The following LCLAT1 variants were observed in gnomAD, a reference collection of about 807,000 sequenced individuals.
The protein encoded by LCLAT1 is lysocardiolipin acyltransferase 1, also known as 1-AGP acyltransferase 8.
LCLAT1 carries 11 observed loss-of-function variants against 30.7 expected under a neutral mutation model. The observed-to-expected ratio is 0.36, with a 90% CI of 0.23 to 0.59. The LOEUF (loss-of-function observed/expected upper bound fraction) is 0.59, where lower values mean the gene tolerates loss of function less well. Among genes scored for constraint, LCLAT1 ranks in the 20% least tolerant of loss-of-function variants. The probability of loss-of-function intolerance (pLI) is 0.77; values close to 1 mark genes in which losing one functional copy is unlikely to be tolerated. For synonymous variants in LCLAT1, 155 were observed against 151.3 expected, an observed-to-expected ratio of 1.02 and a Z score of -0.18; for missense variants, 402 against 458.6, an observed-to-expected ratio of 0.88 and a Z score of 1.13.
At chr2:30,493,473 C>T (rs1329004968) in intron 1 of LCLAT1, among the ~76,000 whole-genome samples, 1 of 152,234 alleles carries the variant, frequency 6.6e-6, no homozygotes, top group East Asian at 1.9e-4. Context: ...CAAATGAAGT[C>T]CGGGAGGAAT....
chr2:30,600,052 G>C (rs189240233), intron 5 of LCLAT1, among the ~76,000 whole-genome samples: 1 of 152,248 alleles, frequency 6.6e-6, no homozygotes, highest in African/African-American at 2.4e-5. Flanking sequence ...GGTTGGTAAC[G>C]GTTCTTCCCT....
intron 1 of LCLAT1, among the ~76,000 whole-genome samples, chr2:30,472,657 T>C (rs1205014833): frequency 1.3e-5 from 2 of 152,224 alleles, no homozygotes; most frequent in Non-Finnish European, 2.9e-5. Context: ...ATAGGTTTTA[T>C]GCAAAATGTT....
chr2:30,453,035 G>A (rs1160147976), intron 1 of LCLAT1, among the ~76,000 whole-genome samples: 1 of 152,120 alleles, frequency 6.6e-6, no homozygotes. Context: ...TTGTTCACTT[G>A]CTCAGAGAAA....
At chr2:30,479,428 G>A (rs1312263785) in intron 1 of LCLAT1, among the ~76,000 whole-genome samples, 3 of 151,970 alleles carry the variant, frequency 2.0e-5, no homozygotes, top group African/African-American at 7.2e-5. Flanking sequence ...TCCCATTTTT[G>A]TAGAGGTGGG....
intron 1 of LCLAT1, among the ~76,000 whole-genome samples, chr2:30,493,583 A>G (rs1203308350): frequency 6.6e-6 from 1 of 152,154 alleles, no homozygotes; most frequent in Non-Finnish European, 1.5e-5. Context: ...GTAAATGTTA[A>G]TATGTGTGTA....
At chr2:30,574,685 A>G (rs1398344013) in intron 5 of LCLAT1, among the ~76,000 whole-genome samples, 1 of 148,634 alleles carries the variant, frequency 6.7e-6, no homozygotes, top group African/African-American at 2.4e-5. Flanking sequence ...TCTCCATAAA[A>G]AGTGTCACTC....
intron 1 of LCLAT1, chr2:30,459,816 G>A (rs1463846052): frequency 7.2e-6 from 6 of 827,846 alleles, no homozygotes; most frequent in Admixed American, 4.1e-5. Context: ...GTTTGTTCCT[G>A]TTTATGTTGT....
At chr2:30,452,813 C>T (rs1681625645) in intron 1 of LCLAT1, among the ~76,000 whole-genome samples, 1 of 152,060 alleles carries the variant, frequency 6.6e-6, no homozygotes, top group African/African-American at 2.4e-5. Flanking sequence ...TTTCCTGTGG[C>T]TGTGAGGTAA....
intron 5 of LCLAT1, among the ~76,000 whole-genome samples, chr2:30,604,883 A>C (rs1667359821): frequency 6.6e-6 from 1 of 152,188 alleles, no homozygotes; most frequent in African/African-American, 2.4e-5. Flanking sequence ...TTCCTTGGGT[A>C]ATAAGAGCAT....
intron 1 of LCLAT1, among the ~76,000 whole-genome samples, chr2:30,517,613 G>A (rs1254286248): frequency 6.6e-6 from 1 of 152,174 alleles, no homozygotes; most frequent in African/African-American, 2.4e-5. Context: ...ATAAATTAAA[G>A]GGAGGAGCAT....
intron 5 of LCLAT1, among the ~76,000 whole-genome samples, chr2:30,615,022 G>A (rs1365960099): frequency 1.3e-5 from 2 of 152,150 alleles, no homozygotes; most frequent in African/African-American, 2.4e-5. Flanking sequence ...GCATGGGTTC[G>A]AGAGAGAAAT....
chr2:30,588,584 TTTTG>T (rs1666545842), intron 5 of LCLAT1, among the ~76,000 whole-genome samples: 1 of 151,952 alleles, frequency 6.6e-6, no homozygotes, highest in African/African-American at 2.4e-5. Flanking sequence ...GTTGTTGTTG[TTTTG>T]TTTTTTTGTT....
At chr2:30,500,979 T>C (rs1684348763) in intron 1 of LCLAT1, among the ~76,000 whole-genome samples, 1 of 151,962 alleles carries the variant, frequency 6.6e-6, no homozygotes. Context: ...CACCAGCCCC[T>C]TCACCCATCA....
chr2:30,619,354 T>C (rs1168716387), intron 5 of LCLAT1, among the ~76,000 whole-genome samples: 2 of 152,210 alleles, frequency 1.3e-5, no homozygotes, highest in African/African-American at 4.8e-5. Context: ...CATTCTCTTT[T>C]GGATTCAGGC....
intron 5 of LCLAT1, among the ~76,000 whole-genome samples, chr2:30,633,462 G>A (rs549966637): frequency 3.3e-5 from 5 of 152,274 alleles, no homozygotes; most frequent in Admixed American, 3.3e-4. Flanking sequence ...GCCGAGGCGG[G>A]CGGATCACGA....
At chr2:30,455,039 C>G (rs1051777207) in intron 1 of LCLAT1, among the ~76,000 whole-genome samples, 3 of 152,098 alleles carry the variant, frequency 2.0e-5, no homozygotes, top group African/African-American at 7.2e-5. Context: ...ATAAACAGTT[C>G]TTGTCTGTTG....
chr2:30,588,259 T>G (rs199941367), intron 5 of LCLAT1, among the ~76,000 whole-genome samples: 1 of 152,262 alleles, frequency 6.6e-6, no homozygotes, highest in African/African-American at 2.4e-5. Context: ...AAGCACTTCT[T>G]CACCTCCTTC....
chr2:30,538,696 A>AGAT (rs996573890), intron 3 of LCLAT1, among the ~76,000 whole-genome samples: 2 of 151,282 alleles, frequency 1.3e-5, no homozygotes, highest in Non-Finnish European at 2.9e-5. Flanking sequence ...ATGTAATATG[A>AGAT]GATATTACAA....
At chr2:30,528,191 C>T (rs1222878740) in intron 2 of LCLAT1, among the ~76,000 whole-genome samples, 1 of 152,172 alleles carries the variant, frequency 6.6e-6, no homozygotes, top group Non-Finnish European at 1.5e-5. Context: ...GTAAGAGCAG[C>T]TAAAAGCTGT....
Sources: allele counts gnomAD v4.1 joint callset (sites outside exome capture counted in the v4.1 genomes callset), GRCh38; gene constraint gnomAD v4.1.1; transcripts MANE v1.5; gene names NCBI Gene and HGNC (gene_info 2026-07-23, HGNC 2026-07-21).